Variants in VPS13B observed in about 807,000 individuals in gnomAD.
VPS13B encodes the protein vacuolar protein sorting 13 homolog B.
In VPS13B, 285 loss-of-function variants were observed where a neutral mutation model predicts 426.4. That is an observed-to-expected ratio of 0.67 (90% CI 0.61 to 0.74). The LOEUF is 0.74. VPS13B is among the 30% of genes least tolerant of loss of function. The probability of loss-of-function intolerance (pLI) is 0.00; values close to 1 mark genes in which losing one functional copy is unlikely to be tolerated. For synonymous variants in VPS13B, 1,676 were observed against 1,676.4 expected (o/e 1.00, Z 0.01); for missense variants, 4,537 against 4,782.6 (o/e 0.95, Z 1.51).
At chr8:99,248,219 T>C (rs1465131693) in intron 17 of VPS13B, among the ~76,000 whole-genome samples, 1 of 152,200 alleles carries the variant, frequency 6.6e-6, no homozygotes, top group Non-Finnish European at 1.5e-5. Context: ...TGTATAGTTA[T>C]GAAATTTGTG....
At chr8:99,181,904 T>A (rs1812965481) in intron 16 of VPS13B, among the ~76,000 whole-genome samples, 1 of 152,140 alleles carries the variant, frequency 6.6e-6, no homozygotes, top group East Asian at 1.9e-4. Context: ...AAAAAATTAT[T>A]GTATACAGAA....
chr8:99,460,518 TTCATA>T (rs1291988008), intron 23 of VPS13B, among the ~76,000 whole-genome samples: 1 of 152,178 alleles, frequency 6.6e-6, no homozygotes, highest in Non-Finnish European at 1.5e-5. Context: ...TGTAGAGTCT[TTCATA>T]TAACCCACAT....
intron 21 of VPS13B, among the ~76,000 whole-genome samples, chr8:99,396,180 G>A (rs548399610): frequency 6.6e-6 from 1 of 152,228 alleles, no homozygotes; most frequent in African/African-American, 2.4e-5. Context: ...AGGAGAGGGA[G>A]TGAGCCATGT....
At chr8:99,782,707 A>C (rs28497752) in intron 42 of VPS13B, among the ~76,000 whole-genome samples, 2,124 of 152,058 alleles carry the variant, frequency 0.014, 50 homozygotes, top group African/African-American at 0.047. Flanking sequence ...GTCCTGAGCA[A>C]ATGCCCTCAG....
chr8:99,776,304 G>A (rs1811739577), intron 40 of VPS13B, among the ~76,000 whole-genome samples: 1 of 152,174 alleles, frequency 6.6e-6, no homozygotes, highest in Non-Finnish European at 1.5e-5. Flanking sequence ...TGGCATTTGA[G>A]GAATCCTTTA....
intron 7 of VPS13B, among the ~76,000 whole-genome samples, chr8:99,118,850 A>G (rs192324552): frequency 3.9e-5 from 6 of 152,182 alleles, no homozygotes; most frequent in African/African-American, 7.2e-5. Context: ...TAAAGCTTTC[A>G]TAGATATTTT....
At chr8:99,671,681 G>A (rs959811049) in intron 35 of VPS13B, among the ~76,000 whole-genome samples, 4 of 151,910 alleles carry the variant, frequency 2.6e-5, no homozygotes, top group African/African-American at 4.8e-5. Flanking sequence ...TTTGAGTGAC[G>A]GAGTCTCACT....
At chr8:99,233,467 G>A in intron 17 of VPS13B, 1 of 1,351,654 alleles carries the variant, frequency 7.4e-7, no homozygotes, top group South Asian at 1.2e-5. Flanking sequence ...CACAGCCTGG[G>A]TTGGGATGAA....
intron 15 of VPS13B, among the ~76,000 whole-genome samples, chr8:99,159,125 T>C (rs1420285824): frequency 6.6e-6 from 1 of 152,184 alleles, no homozygotes; most frequent in Non-Finnish European, 1.5e-5. Context: ...GTTCAAGGCT[T>C]CCATGGAGGA....
intron 31 of VPS13B, among the ~76,000 whole-genome samples, chr8:99,573,653 G>A (rs1417521924): frequency 3.9e-5 from 6 of 151,996 alleles, no homozygotes; most frequent in Non-Finnish European, 8.8e-5. Flanking sequence ...TGTTCCATTG[G>A]TCTATATCTC....
chr8:99,310,604 G>A (rs936404065), intron 19 of VPS13B, among the ~76,000 whole-genome samples: 1 of 152,138 alleles, frequency 6.6e-6, no homozygotes, highest in Admixed American at 6.5e-5. Flanking sequence ...TTTTATTGAG[G>A]ATTTTTGCAT....
intron 19 of VPS13B, among the ~76,000 whole-genome samples, chr8:99,324,016 G>C: frequency 6.6e-6 from 1 of 152,112 alleles, no homozygotes; most frequent in East Asian, 1.9e-4. Flanking sequence ...ATGAATGCAG[G>C]CTGAGTTACA....
chr8:99,837,487 G>A (rs1439234843), intron 54 of VPS13B, among the ~76,000 whole-genome samples: 1 of 152,116 alleles, frequency 6.6e-6, no homozygotes, highest in African/African-American at 2.4e-5. Context: ...AATTCTTTAC[G>A]ATAGACATTC....
intron 33 of VPS13B, among the ~76,000 whole-genome samples, chr8:99,594,568 T>C (rs1345421492): frequency 6.6e-6 from 1 of 152,042 alleles, no homozygotes; most frequent in Non-Finnish European, 1.5e-5. Context: ...CATATATGAC[T>C]ATTGCTTAAT....
At position 99,045,535 on chromosome 8, in the gene VPS13B, G is replaced by A. The variant is rs1294622670; in HGVS notation, c.291+6969G>A. Among the ~76,000 whole-genome samples, 7 of 152,184 alleles carry A rather than the reference G, an allele frequency of 4.6e-5. No homozygotes were observed. The East Asian group carries it at 5.8e-4, about 13-fold the overall frequency. On this transcript the variant is annotated intron_variant, in intron 3 of 61. Transcript: ENST00000357162. ...TACTCTGCTGACTGTTCCTTTTGCC[G>A]TGCAAAAGCTCTTTAGTTTAATTAA...
chr8:99,568,377 G>A (rs912301258), intron 31 of VPS13B, among the ~76,000 whole-genome samples: 3 of 151,100 alleles, frequency 2.0e-5, no homozygotes, highest in African/African-American at 4.9e-5. Context: ...TGCAGCCTCT[G>A]CCTCCCGGGT....
chr8:99,199,486 T>A (rs1814167419), intron 17 of VPS13B, among the ~76,000 whole-genome samples: 1 of 152,120 alleles, frequency 6.6e-6, no homozygotes, highest in African/African-American at 2.4e-5. Context: ...CCATAATTTT[T>A]AAAGTCTACG....
intron 3 of VPS13B, among the ~76,000 whole-genome samples, chr8:99,041,853 C>CAA (rs766715821): frequency 2.9e-4 from 20 of 68,936 alleles, no homozygotes; most frequent in African/African-American, 5.6e-4. Flanking sequence ...ACTCTGTCTC[C>CAA]AAAAAAAAAA....
intron 44 of VPS13B, among the ~76,000 whole-genome samples, chr8:99,812,182 C>T (rs551479778): frequency 6.6e-6 from 1 of 152,262 alleles, no homozygotes; most frequent in South Asian, 2.1e-4. Flanking sequence ...CTCACTCACT[C>T]AGATACACAC....
Sources: gnomAD v4.1 joint callset for allele counts (sites outside exome capture counted in the v4.1 genomes callset) on GRCh38, gnomAD v4.1.1 for gene constraint, MANE v1.5 for transcripts, NCBI Gene and HGNC (gene_info 2026-07-23, HGNC 2026-07-21) for gene names.